Variants in FGFR1OP2 observed in about 807,000 individuals in gnomAD.
FGFR1OP2 encodes the protein fibroblast growth factor receptor 1 oncogene partner 2.
FGFR1OP2 carries 17 observed loss-of-function variants against 35.2 expected under a neutral mutation model. The observed-to-expected ratio is 0.48, with a 90% CI of 0.33 to 0.73. The LOEUF (loss-of-function observed/expected upper bound fraction) is 0.73, where lower values mean the gene tolerates loss of function less well. Ranked by LOEUF, FGFR1OP2 falls within the 30% of genes least tolerant of loss-of-function variation. The pLI is 0.02. For synonymous variants in FGFR1OP2, 105 were observed against 104.6 expected (o/e 1.00, Z -0.03); for missense variants, 251 against 307.3 (o/e 0.82, Z 1.37).
In FGFR1OP2 at chr12:26,956,575, C is replaced by T. The variant is rs771628541; in HGVS notation, c.168C>T (p.Val56=). Residue 56 remains valine, a synonymous_variant, in exon 3 of 7, where the codon GTC becomes GTT. Coordinates refer to ENST00000229395, the MANE Select transcript of FGFR1OP2 (RefSeq NM_015633.3). ...YQEEIQELNE[V]ARHRPRSTLV... ...AAGAAATTCAAGAACTTAATGAAGT[C>T]GCGAGACATCGGCCACGGTCCACGT... 34 of 1,592,308 alleles carry T rather than the reference C, an allele frequency of 2.1e-5. No individual in the cohort carries two copies. Among genetic ancestry groups the T allele is most frequent in the Middle Eastern group, 1.8e-4 (1 of 5,628 alleles).
chr12:26,953,215 G>C (rs1366047453), intron 1 of FGFR1OP2, among the ~76,000 whole-genome samples: 2 of 134,622 alleles, frequency 1.5e-5, no homozygotes, highest in African/African-American at 2.8e-5. Context: ...AGTGAGCCGA[G>C]ATCACGCCGC....
chr12:26,939,337 A>G (rs549641732), intron 1 of FGFR1OP2, among the ~76,000 whole-genome samples: 3 of 151,280 alleles, frequency 2.0e-5, no homozygotes, highest in East Asian at 3.9e-4. Flanking sequence ...TGAAATACAT[A>G]TTTATCTCTG....
intron 2 of FGFR1OP2, among the ~76,000 whole-genome samples, chr12:26,956,226 A>G (rs907264323): frequency 6.6e-6 from 1 of 152,044 alleles, no homozygotes; most frequent in African/African-American, 2.4e-5. Flanking sequence ...TTTTCATTAC[A>G]GTCATCCTCG....
At chr12:26,950,802 A>G (rs1938915859) in intron 1 of FGFR1OP2, among the ~76,000 whole-genome samples, 1 of 152,218 alleles carries the variant, frequency 6.6e-6, no homozygotes, top group Non-Finnish European at 1.5e-5. Flanking sequence ...CAGTAAAGTC[A>G]GGATTTGGTA....
At chr12:26,961,857 C>A in intron 5 of FGFR1OP2, 1 of 152,244 alleles carries the variant, frequency 6.6e-6, no homozygotes, top group South Asian at 2.1e-4. Flanking sequence ...ATTACCCTTA[C>A]TCAGTTTGCA....
chr12:26,939,371 A>G (rs1385197167), intron 1 of FGFR1OP2, among the ~76,000 whole-genome samples: 2 of 152,100 alleles, frequency 1.3e-5, no homozygotes, highest in Admixed American at 6.5e-5. Flanking sequence ...CTTTTTAGTA[A>G]CCGTATTGCT....
At chr12:26,954,067 A>G (rs967414262) in intron 1 of FGFR1OP2, 78 bp from the exon 2 acceptor site, 9 of 1,077,398 alleles carry the variant, frequency 8.4e-6, no homozygotes, top group African/African-American at 1.6e-5. Flanking sequence ...CTTAAGAAGC[A>G]TATCTGTGTT....
chr12:26,942,232 C>T (rs1938747300), intron 1 of FGFR1OP2, among the ~76,000 whole-genome samples: 1 of 152,190 alleles, frequency 6.6e-6, no homozygotes, highest in African/African-American at 2.4e-5. Flanking sequence ...AGGGTTTCAC[C>T]ATGTTGGTCA....
rs78319398 is a variant in FGFR1OP2 at position 26,957,003 on chromosome 12, T to G, written c.253+343T>G. On this transcript the variant is annotated intron_variant, in intron 3 of 6. Coordinates refer to ENST00000229395, the MANE Select transcript of FGFR1OP2 (RefSeq NM_015633.3). ...AAATCAGTCTGATCATGTAATTCTT[T>G]TGCCTAAGAACTTTCATTATATACT... Among the ~76,000 whole-genome samples the G allele has an allele frequency of 3.8e-3, 580 of 152,352 alleles. 1 individual carries two copies. The highest frequency in any genetic ancestry group is 0.013 in the African/African-American group (554 of 41,586).
chr12:26,955,860 T>C (rs939679283), intron 2 of FGFR1OP2, among the ~76,000 whole-genome samples: 2 of 152,222 alleles, frequency 1.3e-5, no homozygotes, highest in Non-Finnish European at 2.9e-5. Context: ...ATGGGTCATA[T>C]AATAACTCTG....
intron 1 of FGFR1OP2, among the ~76,000 whole-genome samples, chr12:26,948,946 G>A (rs374460738): frequency 1.8e-4 from 28 of 152,274 alleles, no homozygotes; most frequent in African/African-American, 6.7e-4. Context: ...GGAGACTGAA[G>A]TGGAGGGTCT....
At chr12:26,956,496 ATATATT>A in intron 2 of FGFR1OP2, 41 bp from the exon 3 acceptor site, 1 of 449,878 alleles carries the variant, frequency 2.2e-6, no homozygotes, top group Non-Finnish European at 3.7e-6. Flanking sequence ...ATATATATAT[ATATATT>A]TGCAGGTATT....
At position 26,954,277 on chromosome 12, in the gene FGFR1OP2, T is replaced by A; in HGVS notation, c.119T>A (p.Val40Glu). The A allele has an allele frequency of 1.2e-6, 2 of 1,604,992 alleles. No homozygotes were observed. The highest frequency in any genetic ancestry group is 1.7e-6 in the Non-Finnish European group (2 of 1,175,694). ...IEQTTALNKR[V>E]EAMKQYQEEI... The stretch of plus-strand genomic sequence containing the variant: ...CAAACCACAGCTCTCAACAAGCGAG[T>A]AGAAGCCATGAAACAGGTTTGATTT... The change falls in exon 2 of 7, where the codon GTA becomes GAA. Residue 40 changes from valine (V) to glutamate (E), a missense_variant. Coordinates refer to ENST00000229395, the MANE Select transcript of FGFR1OP2 (RefSeq NM_015633.3).
chr12:26,949,751 G>A (rs993889392), intron 1 of FGFR1OP2, among the ~76,000 whole-genome samples: 2 of 151,140 alleles, frequency 1.3e-5, no homozygotes, highest in Non-Finnish European at 3.0e-5. Flanking sequence ...GCTAATTTTT[G>A]TATTTTTAGT....
At chr12:26,944,330 C>A (rs1193936685) in intron 1 of FGFR1OP2, among the ~76,000 whole-genome samples, 1 of 152,142 alleles carries the variant, frequency 6.6e-6, no homozygotes, top group Non-Finnish European at 1.5e-5. Context: ...GACATCCTTC[C>A]CTTGTTCCTA....
chr12:26,946,860 C>T (rs1040636050), intron 1 of FGFR1OP2, among the ~76,000 whole-genome samples: 1 of 152,218 alleles, frequency 6.6e-6, no homozygotes, highest in African/African-American at 2.4e-5. Flanking sequence ...CAGTCCTAGA[C>T]ATCCACTAAT....
chr12:26,957,519 G>T (rs541740829), intron 3 of FGFR1OP2, 82 bp from the exon 4 acceptor site: 1 of 1,244,060 alleles, frequency 8.0e-7, no homozygotes, highest in East Asian at 2.5e-5. Flanking sequence ...AAAATGTCCC[G>T]TTCATAAGTT....
intron 1 of FGFR1OP2, among the ~76,000 whole-genome samples, chr12:26,943,527 G>A (rs955718719): frequency 1.3e-5 from 2 of 152,074 alleles, no homozygotes; most frequent in Non-Finnish European, 2.9e-5. Context: ...AACAGTTACA[G>A]AAAACTTGAC....
chr12:26,948,232 C>G (rs777614273), intron 1 of FGFR1OP2, among the ~76,000 whole-genome samples: 1 of 152,096 alleles, frequency 6.6e-6, no homozygotes, highest in African/African-American at 2.4e-5. Flanking sequence ...AATAATTACC[C>G]AGATATTTAC....
Sources: allele counts gnomAD v4.1 joint callset (sites outside exome capture counted in the v4.1 genomes callset), GRCh38; gene constraint gnomAD v4.1.1; transcripts MANE v1.5; gene names NCBI Gene and HGNC (gene_info 2026-07-23, HGNC 2026-07-21).